The following ARID4A variants were observed in gnomAD, a reference collection of about 807,000 sequenced individuals.
ARID4A encodes the protein AT-rich interaction domain 4A, also known as AT-rich interactive domain-containing protein 4A.
ARID4A carries 39 observed loss-of-function variants against 148.6 expected under a neutral mutation model. The observed-to-expected ratio is 0.26, with a 90% CI of 0.20 to 0.34. The LOEUF (loss-of-function observed/expected upper bound fraction) is 0.34. Among genes scored for constraint, ARID4A ranks in the 10% least tolerant of loss-of-function variants. ARID4A has a pLI of 1.00. For missense variants in ARID4A, 1,265 were observed against 1,449.1 expected, an observed-to-expected ratio of 0.87 and a Z score of 2.06; for synonymous variants, 475 against 481.2, an observed-to-expected ratio of 0.99 and a Z score of 0.17.
intron 23 of ARID4A, 95 bp downstream of exon 23, chr14:58,367,124 A>G: frequency 2.1e-6 from 2 of 944,714 alleles, no homozygotes; most frequent in South Asian, 6.8e-5. Context: ...TATAGTACAC[A>G]TTCATTAATT....
intron 19 of ARID4A, among the ~76,000 whole-genome samples, chr14:58,361,710 AG>A (rs1384404272): frequency 6.6e-6 from 1 of 152,180 alleles, no homozygotes; most frequent in African/African-American, 2.4e-5. Flanking sequence ...TTTCATTAAA[AG>A]GTTACCCGTA....
At chr14:58,344,916 A>G in intron 12 of ARID4A, 149 bp downstream of exon 12, 1 of 642,662 alleles carries the variant, frequency 1.6e-6, no homozygotes, top group East Asian at 3.0e-5. Flanking sequence ...TTTGATGCCC[A>G]GGCTGGAGTG....
At chr14:58,304,394 C>G (rs2031440795) in intron 3 of ARID4A, among the ~76,000 whole-genome samples, 3 of 152,120 alleles carry the variant, frequency 2.0e-5, no homozygotes, top group Admixed American at 1.3e-4. Flanking sequence ...TTTGGACCAT[C>G]TATTATTTGG....
chr14:58,312,388 A>G (rs1374032565), intron 5 of ARID4A, among the ~76,000 whole-genome samples: 2 of 151,910 alleles, frequency 1.3e-5, no homozygotes, highest in African/African-American at 4.8e-5. Context: ...GCTAATTTTT[A>G]TATTTTTAGT....
intron 18 of ARID4A, 132 bp downstream of exon 18, chr14:58,359,348 A>G: frequency 1.3e-6 from 1 of 756,734 alleles, no homozygotes; most frequent in Non-Finnish European, 2.0e-6. Context: ...GACCTCCCAT[A>G]TACTCTCTGC....
intron 8 of ARID4A, among the ~76,000 whole-genome samples, chr14:58,323,936 G>A (rs564602551): frequency 6.0e-4 from 69 of 114,454 alleles, no homozygotes; most frequent in African/African-American, 2.2e-3. Context: ...ATGGAGTCTC[G>A]CTCTGTCGCC....
At chr14:58,319,532 T>G in intron 7 of ARID4A, among the ~76,000 whole-genome samples, 1 of 17,050 alleles carries the variant, frequency 5.9e-5, no homozygotes, top group Non-Finnish European at 1.6e-4. Context: ...TTTTTTTTTT[T>G]TTTTTTTTTT....
chr14:58,350,562 C>A (rs1256586426), intron 15 of ARID4A, among the ~76,000 whole-genome samples: 1 of 152,192 alleles, frequency 6.6e-6, no homozygotes, highest in African/African-American at 2.4e-5. Context: ...TGATGCAATT[C>A]AGTCCTTTAA....
chr14:58,328,130 ATATAATC>A, intron 8 of ARID4A, 100 bp from the exon 9 acceptor site: 3 of 765,280 alleles, frequency 3.9e-6, no homozygotes, highest in Non-Finnish European at 6.5e-6. Flanking sequence ...TTTTTGTAAA[ATATAATC>A]TATTTGAGAA....
chr14:58,309,523 A>T (rs1486982798), intron 5 of ARID4A, among the ~76,000 whole-genome samples: 1 of 152,204 alleles, frequency 6.6e-6, no homozygotes, highest in African/African-American at 2.4e-5. Context: ...CCAAATCTCT[A>T]GTTATGTTTT....
chr14:58,330,753 A>G (rs1212164294), intron 11 of ARID4A, among the ~76,000 whole-genome samples: 1 of 152,218 alleles, frequency 6.6e-6, no homozygotes, highest in Non-Finnish European at 1.5e-5. Context: ...CATAGAAAAT[A>G]TTTAGATTAT....
At chr14:58,344,335 C>T (rs1423076408) in intron 11 of ARID4A, among the ~76,000 whole-genome samples, 3 of 151,876 alleles carry the variant, frequency 2.0e-5, no homozygotes, top group Non-Finnish European at 4.4e-5. Flanking sequence ...CATTATTGTG[C>T]TCATCTGCCA....
chr14:58,304,456 T>C (rs972961529), intron 3 of ARID4A, among the ~76,000 whole-genome samples: 1 of 152,162 alleles, frequency 6.6e-6, no homozygotes, highest in Non-Finnish European at 1.5e-5. Context: ...TCTTTAGATG[T>C]GTAGTAGAAG....
intron 23 of ARID4A, among the ~76,000 whole-genome samples, chr14:58,369,276 A>G (rs375445465): frequency 6.6e-6 from 1 of 152,220 alleles, no homozygotes; most frequent in African/African-American, 2.4e-5. Flanking sequence ...GCCCTCTATA[A>G]ATAATGGGGG....
rs145170108 is a variant in ARID4A, at chr14:58,340,501, C to T, written c.907-4194C>T. On this transcript the variant is annotated intron_variant, in intron 11 of 23. Transcript: ENST00000355431. ...AGTAGCTGGGATTACAGGCGCACAA[C>T]GCCACGCCCAGCTAATTTTTTGCAT... Among the ~76,000 whole-genome samples, 262 of 152,304 alleles carry T rather than the reference C, an allele frequency of 1.7e-3. 1 individual carries two copies. Among genetic ancestry groups the T allele is most frequent in the Non-Finnish European group, 3.0e-3 (206 of 68,022 alleles).
Position 58,365,263 on chromosome 14 carries a change from T to C in ARID4A, c.3174T>C (p.Cys1058=). 1.9e-6 allele frequency: 3 copies of C among 1,613,966 alleles called. No individual in the cohort carries two copies. The highest frequency in any genetic ancestry group is 2.5e-6 in the Non-Finnish European group (3 of 1,179,916). Residue 1058 remains cysteine, a synonymous_variant, in exon 20 of 24, where the codon TGT becomes TGC. Transcript: ENST00000355431. ...GFETNVASGT[C]SIIVQERESR... ...AAACTAATGTTGCCTCTGGTACCTG[T>C]AGTATAATTGTACAAGAGAGAGAGA...
At chr14:58,324,337 G>A (rs1464512898) in intron 8 of ARID4A, among the ~76,000 whole-genome samples, 2 of 152,176 alleles carry the variant, frequency 1.3e-5, no homozygotes, top group African/African-American at 2.4e-5. Flanking sequence ...GTGCAGTGAC[G>A]TGAGCACAGC....
chr14:58,299,605 G>A, intron 1 of ARID4A, 193 bp from the exon 2 acceptor site: 1 of 581,088 alleles, frequency 1.7e-6, no homozygotes, highest in Non-Finnish European at 3.1e-6. Flanking sequence ...GGCGGAACGG[G>A]CTGCCCTTTG....
In ARID4A at chr14:58,351,130, A is replaced by G. The variant is rs187265877; in HGVS notation, c.1462A>G (p.Lys488Glu). The change falls in exon 16 of 24, where the codon AAA becomes GAA. Residue 488 changes from lysine (K) to glutamate (E), a missense_variant. Physicochemically the swap from Lys to Glu is moderately conservative, Grantham distance 56 (BLOSUM62 1). Transcript: ENST00000355431. ...NSIKKEIEEE[K>E]TEDKLKDNDT... ...TATTAAAAAGGAAATTGAAGAAGAGAAAACAGAAGACAAATTAAAAGATAA... is the reference window on the plus strand; with the variant it reads ...TATTAAAAAGGAAATTGAAGAAGAGGAAACAGAAGACAAATTAAAAGATAA... The G allele has an allele frequency of 1.2e-6, 2 of 1,606,992 alleles. No individual in the cohort carries two copies. The highest frequency in any genetic ancestry group is 1.7e-6 in the Non-Finnish European group (2 of 1,178,286).
Sources: gnomAD v4.1 joint callset for allele counts (sites outside exome capture counted in the v4.1 genomes callset) on GRCh38, gnomAD v4.1.1 for gene constraint, MANE v1.5 for transcripts, NCBI Gene and HGNC (gene_info 2026-07-23, HGNC 2026-07-21) for gene names.